SEMA3E: variants seen among roughly 807,000 people sequenced by gnomAD.
SEMA3E encodes semaphorin 3E.
In SEMA3E, 49 loss-of-function variants were observed where a neutral mutation model predicts 93.6. The ratio of observed to expected loss-of-function variants is 0.52; its 90% confidence interval spans 0.42 to 0.66. The LOEUF (loss-of-function observed/expected upper bound fraction) is 0.66. SEMA3E is among the 30% of genes least tolerant of loss of function. SEMA3E has a pLI of 0.00. For missense variants in SEMA3E, 906 were observed against 964.8 expected (o/e 0.94, Z 0.81); for synonymous variants, 363 against 330.7 (o/e 1.10, Z -1.06).
intron 1 of SEMA3E, among the ~76,000 whole-genome samples, chr7:83,494,843 G>A (rs1392291958): frequency 1.3e-5 from 2 of 151,922 alleles, no homozygotes; most frequent in South Asian, 2.1e-4. Context: ...ATTCTCAAGG[G>A]AAATAATGAA....
chr7:83,381,700 A>C (rs1050098949), intron 16 of SEMA3E, among the ~76,000 whole-genome samples: 2 of 152,014 alleles, frequency 1.3e-5, no homozygotes, highest in African/African-American at 2.4e-5. Flanking sequence ...CATTTCTTTT[A>C]GTGAAAAAAC....
At chr7:83,456,363 G>T (rs2115838557) in intron 4 of SEMA3E, among the ~76,000 whole-genome samples, 1 of 152,172 alleles carries the variant, frequency 6.6e-6, no homozygotes, top group East Asian at 1.9e-4. Flanking sequence ...TGTTTAAAAA[G>T]TGCTCTGAGA....
chr7:83,539,853 T>TTGTGTGTGTGTG (rs1562824618), intron 1 of SEMA3E, among the ~76,000 whole-genome samples: 2 of 20,850 alleles, frequency 9.6e-5, no homozygotes, highest in Non-Finnish European at 3.0e-4. Context: ...GTTTTGTTGT[T>TTGTGTGTGTGTG]TCTGTGTGTG....
At chr7:83,574,992 G>A (rs947241937) in intron 1 of SEMA3E, among the ~76,000 whole-genome samples, 2 of 152,112 alleles carry the variant, frequency 1.3e-5, no homozygotes, top group Admixed American at 1.3e-4. Context: ...AACAATAAAT[G>A]GAAATGAGAG....
At chr7:83,369,047 C>T (rs1013177545) in intron 16 of SEMA3E, among the ~76,000 whole-genome samples, 1 of 152,122 alleles carries the variant, frequency 6.6e-6, no homozygotes, top group African/African-American at 2.4e-5. Flanking sequence ...TCAATAGCTA[C>T]CTCTACCTTT....
chr7:83,391,075 A>G (rs1427653395), intron 14 of SEMA3E, among the ~76,000 whole-genome samples: 2 of 151,386 alleles, frequency 1.3e-5, no homozygotes, highest in East Asian at 3.9e-4. Flanking sequence ...TTCACATTCT[A>G]CCCTCATATT....
rs981880900 is a variant in SEMA3E, at chr7:83,421,057, A to G, written c.457-2574T>C. 2.8e-5 allele frequency among the ~76,000 whole-genome samples: 4 copies of G among 142,592 alleles called. 1 individual carries two copies. The highest frequency in any genetic ancestry group is 1.0e-4 in the African/African-American group (4 of 39,918). The allele number at this position is 142,592 out of a possible 152,430, so 93.5% of individuals were successfully genotyped here. ...TACAGAATGTGAGAAAATATTTGCC[A>G]GCTATCATCCAACAAAGGTTTAATA... On this transcript the variant is annotated intron_variant, in intron 4 of 16. Transcript: ENST00000643230.
At chr7:83,462,436 A>C (rs1789647737) in intron 4 of SEMA3E, among the ~76,000 whole-genome samples, 1 of 152,024 alleles carries the variant, frequency 6.6e-6, no homozygotes, top group East Asian at 1.9e-4. Context: ...GAGACACTTT[A>C]ACTAAATTAT....
chr7:83,560,573 A>G (rs1428612989), intron 1 of SEMA3E, among the ~76,000 whole-genome samples: 2 of 152,090 alleles, frequency 1.3e-5, no homozygotes, highest in Non-Finnish European at 2.9e-5. Flanking sequence ...AATTCATTTC[A>G]AAATTCCTTA....
At chr7:83,564,695 A>G (rs1792105191) in intron 1 of SEMA3E, among the ~76,000 whole-genome samples, 1 of 152,170 alleles carries the variant, frequency 6.6e-6, no homozygotes, top group African/African-American at 2.4e-5. Flanking sequence ...TTTAACTTCT[A>G]TAACTTTAAC....
intron 1 of SEMA3E, among the ~76,000 whole-genome samples, chr7:83,622,790 T>C (rs1214262706): frequency 6.6e-6 from 1 of 152,124 alleles, no homozygotes; most frequent in African/African-American, 2.4e-5. Context: ...TGAGAACACA[T>C]GGATACATAG....
intron 1 of SEMA3E, among the ~76,000 whole-genome samples, chr7:83,567,328 C>T (rs1792181889): frequency 6.6e-6 from 1 of 152,132 alleles, no homozygotes. Context: ...CAACACCTCA[C>T]TCTCAACCTT....
intron 1 of SEMA3E, among the ~76,000 whole-genome samples, chr7:83,559,361 C>A (rs1276460284): frequency 6.6e-6 from 1 of 151,968 alleles, no homozygotes; most frequent in African/African-American, 2.4e-5. Context: ...TTTTAATATT[C>A]TAAGTATTAT....
At chr7:83,529,137 A>G (rs1032295636) in intron 1 of SEMA3E, among the ~76,000 whole-genome samples, 1 of 152,164 alleles carries the variant, frequency 6.6e-6, no homozygotes, top group African/African-American at 2.4e-5. Context: ...AGAATTTACA[A>G]CTACCAGGAG....
Position 83,641,922 on chromosome 7 carries a change from A to C in SEMA3E, c.115+6506T>G, listed in dbSNP as rs1794016772. Among the ~76,000 whole-genome samples, 3 of 152,208 alleles carry C rather than the reference A, an allele frequency of 2.0e-5. No individual in the cohort carries two copies. In the South Asian group the frequency reaches 6.2e-4, roughly 31 times the overall value. ...TAATCCTTTCAAATTTTTGCAAATTATGTTTTACCACTTTAAAGATAAGAA... is the reference window on the plus strand; with the variant it reads ...TAATCCTTTCAAATTTTTGCAAATTCTGTTTTACCACTTTAAAGATAAGAA... On this transcript the variant is annotated intron_variant, in intron 1 of 16. Transcript: ENST00000643230.
In SEMA3E at chr7:83,367,404, T is replaced by A. The variant is rs968108636; in HGVS notation, c.*182A>T. On this transcript the variant is annotated 3_prime_UTR_variant, in exon 17 of 17. Transcript: ENST00000643230. Reference sequence around the variant, plus strand: ...TGCATTTATTTAAAAAATTAGTTAATTTTATGTAAAGTTTATCCAGTCAAA... The same window carrying A: ...TGCATTTATTTAAAAAATTAGTTAAATTTATGTAAAGTTTATCCAGTCAAA... 7 of 635,762 alleles carry A rather than the reference T, an allele frequency of 1.1e-5. No individual in the cohort carries two copies. The highest frequency in any genetic ancestry group is 1.9e-5 in the Non-Finnish European group (7 of 370,866). The allele number at this position is 635,762 out of a possible 1,614,324, so 39.4% of individuals were successfully genotyped here.
chr7:83,593,062 C>T (rs1414000195), intron 1 of SEMA3E, among the ~76,000 whole-genome samples: 7 of 152,064 alleles, frequency 4.6e-5, no homozygotes, highest in Non-Finnish European at 1.0e-4. Flanking sequence ...AAGCAATCCT[C>T]TCACCTCAGC....
chr7:83,415,613 A>G (rs1289780730), intron 5 of SEMA3E, among the ~76,000 whole-genome samples: 3 of 152,102 alleles, frequency 2.0e-5, no homozygotes, highest in Non-Finnish European at 4.4e-5. Context: ...TATTTATTCA[A>G]TTTTTTATTA....
intron 1 of SEMA3E, among the ~76,000 whole-genome samples, chr7:83,554,924 C>A (rs184691173): frequency 1.6e-4 from 24 of 150,998 alleles, no homozygotes; most frequent in African/African-American, 5.4e-4. Context: ...TTGCAGTGAG[C>A]CAAGATCAGA....
Sources: gnomAD v4.1 joint callset for allele counts (sites outside exome capture counted in the v4.1 genomes callset) on GRCh38, gnomAD v4.1.1 for gene constraint, MANE v1.5 for transcripts, NCBI Gene and HGNC (gene_info 2026-07-23, HGNC 2026-07-21) for gene names.